Variants in TSPAN18 observed in about 807,000 individuals in gnomAD.
The protein encoded by TSPAN18 is tetraspanin-18.
In TSPAN18, 14 loss-of-function variants were observed where a neutral mutation model predicts 27.3. The ratio of observed to expected loss-of-function variants is 0.51; its 90% CI spans 0.34 to 0.80. The LOEUF (loss-of-function observed/expected upper bound fraction) is 0.80. Ranked by LOEUF, TSPAN18 falls within the 30% of genes least tolerant of loss-of-function variation. The pLI is 0.01. For synonymous variants in TSPAN18, 143 were observed against 136.5 expected, an observed-to-expected ratio of 1.05 and a Z score of -0.33; for missense variants, 268 against 323.9, an observed-to-expected ratio of 0.83 and a Z score of 1.32.
At chr11:44,779,707 G>A (rs973355042) in intron 2 of TSPAN18, among the ~76,000 whole-genome samples, 52 of 151,444 alleles carry the variant, frequency 3.4e-4, no homozygotes, top group African/African-American at 1.2e-3. Context: ...CCTGCATACC[G>A]GTGCATATCT....
chr11:44,917,807 C>T (rs1859968172), intron 5 of TSPAN18, 165 bp from the exon 6 acceptor site: 3 of 618,502 alleles, frequency 4.9e-6, no homozygotes, highest in Admixed American at 2.8e-5. Flanking sequence ...GGAGGAATCA[C>T]TGGTGTGTTT....
intron 3 of TSPAN18, among the ~76,000 whole-genome samples, chr11:44,875,046 C>T (rs1013819215): frequency 6.6e-6 from 1 of 152,206 alleles, no homozygotes; most frequent in Non-Finnish European, 1.5e-5. Context: ...TACATCTTCC[C>T]CAGGGCTGGA....
rs1341040256 is a variant in TSPAN18 at position 44,819,713 on chromosome 11, C to T, written c.-152-40615C>T. ...TGAGCTTGGAAGGCTTTTTTTTTTT[C>T]CTCTTTCCTTTCCTTTTTTTTTTCT... On this transcript the variant is annotated intron_variant, in intron 2 of 9. Transcript: ENST00000520358. Among the ~76,000 whole-genome samples the T allele has an allele frequency of 9.8e-5, 14 of 143,528 alleles. No homozygotes were observed. In the South Asian group the frequency reaches 2.0e-3, roughly 20 times the overall value. 94.2% of individuals were successfully genotyped at this position (143,528 alleles called of 152,430 possible).
chr11:44,842,448 C>A (rs1414139885), intron 2 of TSPAN18, among the ~76,000 whole-genome samples: 1 of 152,160 alleles, frequency 6.6e-6, no homozygotes, highest in Non-Finnish European at 1.5e-5. Context: ...ATTTTCTATG[C>A]ATGACCGTGT....
intron 2 of TSPAN18, among the ~76,000 whole-genome samples, chr11:44,809,077 G>C (rs1350421696): frequency 6.6e-6 from 1 of 152,082 alleles, no homozygotes; most frequent in Non-Finnish European, 1.5e-5. Context: ...CACTGATGCA[G>C]GTACAATGAA....
chr11:44,797,692 C>T (rs1242146734), intron 2 of TSPAN18, among the ~76,000 whole-genome samples: 3 of 152,068 alleles, frequency 2.0e-5, no homozygotes, highest in Non-Finnish European at 2.9e-5. Context: ...AAGGCACTGA[C>T]GGGATGAGAT....
intron 2 of TSPAN18, among the ~76,000 whole-genome samples, chr11:44,856,242 C>T (rs1265375932): frequency 6.6e-6 from 1 of 152,160 alleles, no homozygotes; most frequent in Non-Finnish European, 1.5e-5. Flanking sequence ...CAGTGGCTCC[C>T]CATTGCCTGT....
At chr11:44,900,680 C>CTTTTTTTTTT (rs72469181) in intron 3 of TSPAN18, among the ~76,000 whole-genome samples, 8 of 49,728 alleles carry the variant, frequency 1.6e-4, no homozygotes, top group African/African-American at 6.3e-4. Context: ...TTGAGGAAGG[C>CTTTTTTTTTT]TTTTTTTTTT....
chr11:44,873,907 A>T (rs907817581), intron 3 of TSPAN18, among the ~76,000 whole-genome samples: 2 of 152,170 alleles, frequency 1.3e-5, no homozygotes, highest in Non-Finnish European at 2.9e-5. Flanking sequence ...CAGGGGGCTT[A>T]TATGATCTGG....
chr11:44,757,081 C>T (rs548905011), intron 1 of TSPAN18, among the ~76,000 whole-genome samples: 1 of 152,116 alleles, frequency 6.6e-6, no homozygotes, highest in South Asian at 2.1e-4. Context: ...TTGAATTTGT[C>T]AAATGCTTTT....
At chr11:44,868,770 G>A (rs1248182550) in intron 3 of TSPAN18, among the ~76,000 whole-genome samples, 1 of 152,220 alleles carries the variant, frequency 6.6e-6, no homozygotes, top group Non-Finnish European at 1.5e-5. Flanking sequence ...GGAAGGTGGA[G>A]CGCCCACACC....
chr11:44,895,031 A>G (rs140284049), intron 3 of TSPAN18, among the ~76,000 whole-genome samples: 3 of 152,320 alleles, frequency 2.0e-5, no homozygotes, highest in African/African-American at 7.2e-5. Flanking sequence ...ATGGGATAAT[A>G]ATAATACCCA....
At chr11:44,799,305 C>T (rs1298768835) in intron 2 of TSPAN18, among the ~76,000 whole-genome samples, 1 of 151,406 alleles carries the variant, frequency 6.6e-6, no homozygotes, top group East Asian at 2.0e-4. Context: ...AGGAGCCTGT[C>T]CCGCACCCCA....
intron 2 of TSPAN18, among the ~76,000 whole-genome samples, chr11:44,777,898 C>T (rs1320618414): frequency 6.6e-6 from 1 of 152,150 alleles, no homozygotes. Flanking sequence ...CCCAGGTAGG[C>T]ACCACATGTG....
At chr11:44,908,810 A>AAGGAAG (rs1564993103) in intron 4 of TSPAN18, among the ~76,000 whole-genome samples, 5 of 116,484 alleles carry the variant, frequency 4.3e-5, no homozygotes, top group Non-Finnish European at 7.1e-5. Context: ...AAAGAAAGAA[A>AAGGAAG]GAAAGAAAGA....
intron 1 of TSPAN18, chr11:44,736,043 G>T (rs927907487): frequency 6.6e-6 from 1 of 152,174 alleles, no homozygotes; most frequent in Non-Finnish European, 1.5e-5. Flanking sequence ...TCTATTTACT[G>T]TCAAAGAAGT....
chr11:44,808,953 C>T (rs1483178034), intron 2 of TSPAN18, among the ~76,000 whole-genome samples: 1 of 152,150 alleles, frequency 6.6e-6, no homozygotes, highest in African/African-American at 2.4e-5. Context: ...CTTACACCCC[C>T]TCGGAAATCA....
chr11:44,895,871 C>G (rs1483498007), intron 3 of TSPAN18, among the ~76,000 whole-genome samples: 1 of 152,204 alleles, frequency 6.6e-6, no homozygotes, highest in African/African-American at 2.4e-5. Context: ...ATCACCCCGT[C>G]CTTGTTTCCC....
At chr11:44,786,581 A>C (rs1485095210) in intron 2 of TSPAN18, among the ~76,000 whole-genome samples, 1 of 142,040 alleles carries the variant, frequency 7.0e-6, no homozygotes, top group Non-Finnish European at 1.5e-5. Context: ...ATCTAGGGTG[A>C]TGTGGTCACT....
Sources: allele counts gnomAD v4.1 joint callset (sites outside exome capture counted in the v4.1 genomes callset), GRCh38; gene constraint gnomAD v4.1.1; transcripts MANE v1.5; gene names NCBI Gene and HGNC (gene_info 2026-07-23, HGNC 2026-07-21).